The following SLC13A1 variants were observed in gnomAD, a reference collection of about 807,000 sequenced individuals.
The protein encoded by SLC13A1 is solute carrier family 13 member 1, also known as Na(+)/sulfate cotransporter.
SLC13A1 carries 65 observed loss-of-function variants against 70.0 expected under a neutral mutation model. That is an observed-to-expected ratio of 0.93 (90% CI 0.76 to 1.14). SLC13A1 has a LOEUF of 1.14. Among genes scored for constraint, SLC13A1 ranks in the 50% most tolerant of loss-of-function variants. The pLI is 0.00. For synonymous variants in SLC13A1, 275 were observed against 250.5 expected (o/e 1.10, Z -0.92); for missense variants, 726 against 717.8 (o/e 1.01, Z -0.13).
At chr7:123,176,352 C>T (rs1478149562) in intron 2 of SLC13A1, among the ~76,000 whole-genome samples, 3 of 152,172 alleles carry the variant, frequency 2.0e-5, no homozygotes, top group African/African-American at 7.2e-5. Context: ...TTGTAAATTA[C>T]ACTGATAAAT....
chr7:123,142,444 A>G (rs1252955487), intron 7 of SLC13A1, among the ~76,000 whole-genome samples: 1 of 152,144 alleles, frequency 6.6e-6, no homozygotes, highest in Non-Finnish European at 1.5e-5. Flanking sequence ...CGCTGTGGCC[A>G]AGCTGGCACC....
chr7:123,197,149 T>C (rs1373786892), intron 1 of SLC13A1, among the ~76,000 whole-genome samples: 1 of 152,150 alleles, frequency 6.6e-6, no homozygotes. Context: ...TCTTTCTTCA[T>C]TCATGGCACT....
rs1793149026 is a variant in SLC13A1, at chr7:123,115,501, C to A, written c.*17G>T. ...CTTCCAGAAATTACCGCAAGATAGT[C>A]AGAAATTTTGTGCTTATTATGGCAT... On this transcript the variant is annotated 3_prime_UTR_variant, in exon 15 of 15. Coordinates refer to ENST00000194130, the MANE Select transcript of SLC13A1 (RefSeq NM_022444.4). The A allele has an allele frequency of 5.6e-6, 9 of 1,601,508 alleles. No homozygotes were observed. In the East Asian group the frequency reaches 1.8e-4, roughly 32 times the overall value.
intron 8 of SLC13A1, among the ~76,000 whole-genome samples, chr7:123,129,751 A>G (rs1386274975): frequency 6.6e-6 from 1 of 152,036 alleles, no homozygotes; most frequent in Non-Finnish European, 1.5e-5. Context: ...ATCCTTTACC[A>G]ATCTCTTCCT....
chr7:123,169,142 T>A lies in SLC13A1; in HGVS notation c.553+6A>T, dbSNP rs369809674. The A allele has an allele frequency of 2.2e-5, 35 of 1,613,578 alleles. No individual in the cohort carries two copies. The African/African-American group carries it at 3.7e-4, about 17-fold the overall frequency. The stretch of plus-strand genomic sequence containing the variant: ...ACCCCAGATTGGCCATATCAACATG[T>A]GATACCATCAATTTCTAGTCCGTGG... On this transcript the variant is annotated splice_donor_region_variant and intron_variant, in intron 4 of 14. Coordinates refer to ENST00000194130, the MANE Select transcript of SLC13A1 (RefSeq NM_022444.4).
intron 7 of SLC13A1, among the ~76,000 whole-genome samples, chr7:123,142,364 G>A (rs948952545): frequency 2.6e-5 from 4 of 152,112 alleles, no homozygotes; most frequent in African/African-American, 9.7e-5. Context: ...CCCAGGACAG[G>A]TCCATAAATG....
At chr7:123,166,667 A>T (rs1795088529) in intron 6 of SLC13A1, among the ~76,000 whole-genome samples, 1 of 152,218 alleles carries the variant, frequency 6.6e-6, no homozygotes, top group Admixed American at 6.5e-5. Flanking sequence ...TCCTTGCGAT[A>T]GTTTGCTGAG....
intron 1 of SLC13A1, among the ~76,000 whole-genome samples, chr7:123,185,944 G>T (rs1795783083): frequency 6.6e-6 from 1 of 152,004 alleles, no homozygotes; most frequent in Non-Finnish European, 1.5e-5. Context: ...TCCTATTGAT[G>T]GGTTCATCCC....
chr7:123,178,880 C>G (rs1795545687), intron 2 of SLC13A1, among the ~76,000 whole-genome samples: 1 of 152,140 alleles, frequency 6.6e-6, no homozygotes, highest in Non-Finnish European at 1.5e-5. Context: ...CTTTACAACA[C>G]TCAGAATGTT....
chr7:123,135,285 A>G (rs1282244053), intron 7 of SLC13A1, among the ~76,000 whole-genome samples: 1 of 152,216 alleles, frequency 6.6e-6, no homozygotes, highest in Admixed American at 6.6e-5. Context: ...AAGATCAGAC[A>G]CTAGCACAGT....
chr7:123,190,697 T>C (rs1795963771), intron 1 of SLC13A1: 1 of 456,282 alleles, frequency 2.2e-6, no homozygotes, highest in African/African-American at 2.0e-5. Flanking sequence ...GAATAAGCTG[T>C]TGAGCATTAG....
intron 12 of SLC13A1, among the ~76,000 whole-genome samples, chr7:123,120,749 G>A (rs965225950): frequency 1.3e-5 from 2 of 151,924 alleles, no homozygotes; most frequent in Admixed American, 6.6e-5. Context: ...TGACTTTTAG[G>A]TAGAAAAAGA....
chr7:123,181,021 C>T lies in SLC13A1; in HGVS notation c.180G>A (p.Leu60=), dbSNP rs753509701. 2.5e-6 allele frequency: 4 copies of T among 1,612,590 alleles called. No individual in the cohort carries two copies. In the African/African-American group the frequency reaches 4.0e-5, roughly 16 times the overall value. The change falls in exon 2 of 15, where the codon TTG becomes TTA. Residue 60 remains leucine, a synonymous_variant. Transcript: ENST00000194130. The part of the protein sequence containing the change: ...TEALPLSVTA[L]LPSLMLPMFG... ...ACATGGGTAACATTAAACTAGGTAG[C>T]AAAGCTGTTACCGACAGAGGCAATG...
At chr7:123,119,501 T>C (rs1461639709) in intron 12 of SLC13A1, among the ~76,000 whole-genome samples, 2 of 152,020 alleles carry the variant, frequency 1.3e-5, no homozygotes, top group Non-Finnish European at 2.9e-5. Context: ...ATTTTAATTT[T>C]ATCTAATTTA....
intron 6 of SLC13A1, among the ~76,000 whole-genome samples, chr7:123,153,592 A>T (rs934110487): frequency 6.6e-6 from 1 of 152,076 alleles, no homozygotes; most frequent in African/African-American, 2.4e-5. Flanking sequence ...GAGCTGAAAA[A>T]TAGGGCTCTT....
chr7:123,123,994 A>T (rs1324712363), intron 11 of SLC13A1, among the ~76,000 whole-genome samples: 1 of 152,140 alleles, frequency 6.6e-6, no homozygotes, highest in Non-Finnish European at 1.5e-5. Flanking sequence ...AACCAAACCC[A>T]TCCTCACTGA....
chr7:123,144,333 G>A (rs1195304205), intron 7 of SLC13A1, among the ~76,000 whole-genome samples: 5 of 152,186 alleles, frequency 3.3e-5, no homozygotes, highest in Non-Finnish European at 5.9e-5. Context: ...AGATTTAGAA[G>A]AGAAACTGAA....
intron 13 of SLC13A1, 25 bp from the exon 14 acceptor site, chr7:123,117,633 C>T: frequency 6.8e-7 from 1 of 1,467,490 alleles, no homozygotes; most frequent in Admixed American, 2.1e-5. Context: ...AAAAAAGAGT[C>T]TAAGTAAAAT....
chr7:123,193,120 T>C (rs2116678103), intron 1 of SLC13A1, among the ~76,000 whole-genome samples: 1 of 152,194 alleles, frequency 6.6e-6, no homozygotes, highest in Non-Finnish European at 1.5e-5. Flanking sequence ...GACTACACAT[T>C]TGGTTATGAT....
Sources: allele counts gnomAD v4.1 joint callset (sites outside exome capture counted in the v4.1 genomes callset), GRCh38; gene constraint gnomAD v4.1.1; transcripts MANE v1.5; gene names NCBI Gene and HGNC (gene_info 2026-07-23, HGNC 2026-07-21).